The following MAPK8 variants were observed in gnomAD, a reference collection of about 807,000 sequenced individuals.
MAPK8 encodes the protein mitogen-activated protein kinase 8.
MAPK8 carries 13 observed loss-of-function variants against 52.9 expected under a neutral mutation model. The observed-to-expected ratio is 0.25, with a 90% CI of 0.16 to 0.39. The LOEUF (loss-of-function observed/expected upper bound fraction) is 0.39. Among genes scored for constraint, MAPK8 ranks in the 10% least tolerant of loss-of-function variants. The pLI, the probability that MAPK8 is intolerant of heterozygous loss-of-function variation, is 1.00. For synonymous variants in MAPK8, 191 were observed against 169.8 expected (o/e 1.12, Z -0.97); for missense variants, 300 against 519.2 (o/e 0.58, Z 4.10).
chr10:48,354,219 AG>A (rs1389324656), intron 1 of MAPK8, among the ~76,000 whole-genome samples: 1 of 152,242 alleles, frequency 6.6e-6, no homozygotes, highest in Non-Finnish European at 1.5e-5. Context: ...AGAGAAAAAA[AG>A]AAAACAAGGG....
chr10:48,431,767 A>C (rs1274306499), intron 11 of MAPK8, among the ~76,000 whole-genome samples: 1 of 152,162 alleles, frequency 6.6e-6, no homozygotes, highest in Non-Finnish European at 1.5e-5. Flanking sequence ...AGGAGTTAAA[A>C]CTTTTTTTTA....
intron 1 of MAPK8, among the ~76,000 whole-genome samples, chr10:48,360,294 G>A (rs1847401107): frequency 6.6e-6 from 1 of 152,194 alleles, no homozygotes; most frequent in African/African-American, 2.4e-5. Flanking sequence ...TAAGAGAAGT[G>A]CAGACTAAAA....
At chr10:48,309,800 G>A (rs577929516) in intron 1 of MAPK8, among the ~76,000 whole-genome samples, 1 of 152,292 alleles carries the variant, frequency 6.6e-6, no homozygotes, top group Non-Finnish European at 1.5e-5. Context: ...ACAAAATAAT[G>A]TCTGACATTA....
chr10:48,424,708 A>T (rs565107927), intron 7 of MAPK8: 1 of 517,564 alleles, frequency 1.9e-6, no homozygotes, highest in African/African-American at 2.0e-5. Flanking sequence ...CTCTTAAAAT[A>T]CCACCTACTA....
intron 1 of MAPK8, among the ~76,000 whole-genome samples, chr10:48,336,167 T>TA (rs1337789487): frequency 1.3e-5 from 2 of 151,768 alleles, no homozygotes; most frequent in South Asian, 2.1e-4. Flanking sequence ...TGATGAGTAT[T>TA]AAAAAAAAGA....
chr10:48,437,917 T>G lies in MAPK8; in HGVS notation c.*2888T>G, dbSNP rs1039846903. The G allele has an allele frequency of 2.0e-5, 3 of 152,190 alleles. No individual in the cohort carries two copies. The highest frequency in any genetic ancestry group is 7.2e-5 in the African/African-American group (3 of 41,446). 9.4% of individuals were successfully genotyped at this position (152,190 alleles called of 1,614,324 possible). ...TAATCCTGCTGTGTTGTCTAAAAGA[T>G]GGAGGGAAGAGGACATCAGTGTCTG... On this transcript the variant is annotated 3_prime_UTR_variant, in exon 12 of 12. Transcript: ENST00000374189.
intron 5 of MAPK8, among the ~76,000 whole-genome samples, chr10:48,413,934 A>G (rs2042922159): frequency 6.8e-6 from 1 of 147,062 alleles, no homozygotes; most frequent in Non-Finnish European, 1.5e-5. Context: ...ATGCCATACA[A>G]TTTATTCATT....
chr10:48,342,063 C>G (rs553038531), intron 1 of MAPK8, among the ~76,000 whole-genome samples: 1 of 152,290 alleles, frequency 6.6e-6, no homozygotes, highest in African/African-American at 2.4e-5. Flanking sequence ...GTATGCAGGG[C>G]CTATATCACA....
rs548821466 is a variant in MAPK8, at chr10:48,332,040, C to T, written c.-50+25219C>T. Reference sequence around the variant, plus strand: ...GTAAACCTTCCATAATTCCCCTTAACACCCTTGAGATAAAGTGGCTCCCAT... The same window carrying T: ...GTAAACCTTCCATAATTCCCCTTAATACCCTTGAGATAAAGTGGCTCCCAT... On this transcript the variant is annotated intron_variant, in intron 1 of 11. Coordinates refer to ENST00000374189, the MANE Select transcript of MAPK8 (RefSeq NM_001323329.2). Among the ~76,000 whole-genome samples, 14 of 152,320 alleles carry T rather than the reference C, an allele frequency of 9.2e-5. No homozygotes were observed. In the South Asian group the frequency reaches 2.3e-3, roughly 25 times the overall value.
At chr10:48,339,070 G>A (rs1486755060) in intron 1 of MAPK8, among the ~76,000 whole-genome samples, 1 of 151,760 alleles carries the variant, frequency 6.6e-6, no homozygotes, top group African/African-American at 2.4e-5. Context: ...TTTTTTCACA[G>A]AATTAGAAAA....
intron 1 of MAPK8, among the ~76,000 whole-genome samples, chr10:48,313,169 A>G (rs1375962015): frequency 6.6e-6 from 1 of 152,202 alleles, no homozygotes; most frequent in Non-Finnish European, 1.5e-5. Context: ...GCGGTGGCTC[A>G]CGCCTGTAAT....
At chr10:48,406,658 G>A (rs1026251781) in intron 3 of MAPK8, among the ~76,000 whole-genome samples, 2 of 152,180 alleles carry the variant, frequency 1.3e-5, no homozygotes, top group African/African-American at 2.4e-5. Context: ...CCCATGGATG[G>A]ATGTTTTTGT....
chr10:48,334,043 G>A (rs1035095242), intron 1 of MAPK8, among the ~76,000 whole-genome samples: 5 of 152,268 alleles, frequency 3.3e-5, no homozygotes, highest in Admixed American at 3.3e-4. Flanking sequence ...AGCATGTTCC[G>A]GGCGCCTCTG....
At chr10:48,325,462 C>T (rs1843420592) in intron 1 of MAPK8, among the ~76,000 whole-genome samples, 1 of 152,152 alleles carries the variant, frequency 6.6e-6, no homozygotes, top group African/African-American at 2.4e-5. Flanking sequence ...CTCTCTGTAT[C>T]ACAGGGATTT....
At chr10:48,311,879 G>A (rs143480276) in intron 1 of MAPK8, among the ~76,000 whole-genome samples, 150 of 152,146 alleles carry the variant, frequency 9.9e-4, no homozygotes, top group African/African-American at 3.2e-3. Flanking sequence ...TTTTTACTTC[G>A]GCAGTATTTA....
intron 1 of MAPK8, among the ~76,000 whole-genome samples, chr10:48,392,317 T>C (rs1170376313): frequency 6.6e-6 from 1 of 152,164 alleles, no homozygotes; most frequent in African/African-American, 2.4e-5. Flanking sequence ...AGAGAGATTC[T>C]GTTTTCTGAG....
chr10:48,385,155 A>G (rs996286392), intron 1 of MAPK8, among the ~76,000 whole-genome samples: 7 of 152,200 alleles, frequency 4.6e-5, no homozygotes, highest in African/African-American at 1.7e-4. Flanking sequence ...CTTCCATAGC[A>G]TGTGGCTTCA....
At chr10:48,407,104 G>C (rs920034706) in intron 3 of MAPK8, among the ~76,000 whole-genome samples, 1 of 152,096 alleles carries the variant, frequency 6.6e-6, no homozygotes, top group Non-Finnish European at 1.5e-5. Flanking sequence ...TGCTCTTCCT[G>C]GTCTACTAGT....
chr10:48,356,899 CA>C (rs201368039), intron 1 of MAPK8, among the ~76,000 whole-genome samples: 9,184 of 47,350 alleles, frequency 0.19, 596 homozygotes, highest in Admixed American at 0.36. Flanking sequence ...CGTAGTTTAC[CA>C]AAAAAAAAAA....
Sources: gnomAD v4.1 joint callset for allele counts (sites outside exome capture counted in the v4.1 genomes callset) on GRCh38, gnomAD v4.1.1 for gene constraint, MANE v1.5 for transcripts, NCBI Gene and HGNC (gene_info 2026-07-23, HGNC 2026-07-21) for gene names.